MMS22L: variants seen among roughly 807,000 people sequenced by gnomAD.
The protein encoded by MMS22L is MMS22 like, DNA repair protein, also known as protein MMS22-like.
MMS22L carries 74 observed loss-of-function variants against 159.1 expected under a neutral mutation model. That is an observed-to-expected ratio of 0.47 (90% CI 0.39 to 0.56). The LOEUF is 0.56. Among genes scored for constraint, MMS22L ranks in the 20% least tolerant of loss-of-function variants. MMS22L has a pLI of 0.00. For synonymous variants in MMS22L, 517 were observed against 506.9 expected, an observed-to-expected ratio of 1.02 and a Z score of -0.27; for missense variants, 1,351 against 1,422.1, an observed-to-expected ratio of 0.95 and a Z score of 0.80.
At chr6:97,163,882 T>A (rs1802697101) in intron 21 of MMS22L, among the ~76,000 whole-genome samples, 2 of 151,944 alleles carry the variant, frequency 1.3e-5, no homozygotes, top group South Asian at 4.1e-4. Flanking sequence ...GCAATATGAA[T>A]CTTATTAGGG....
intron 14 of MMS22L, among the ~76,000 whole-genome samples, chr6:97,219,659 T>C (rs1809412489): frequency 6.6e-6 from 1 of 152,200 alleles, no homozygotes; most frequent in Non-Finnish European, 1.5e-5. Flanking sequence ...ATTGCACTGT[T>C]GGTAAATGAA....
At chr6:97,280,361 T>TCTCG (rs1816649512) in intron 3 of MMS22L, among the ~76,000 whole-genome samples, 1 of 151,852 alleles carries the variant, frequency 6.6e-6, no homozygotes, top group South Asian at 2.1e-4. Context: ...TGAGACAGAG[T>TCTCG]CTCGCTCTGT....
intron 19 of MMS22L, among the ~76,000 whole-genome samples, chr6:97,168,556 C>T (rs767692476): frequency 1.3e-5 from 2 of 151,978 alleles, no homozygotes; most frequent in African/African-American, 2.4e-5. Flanking sequence ...TTTGTGAGTG[C>T]CAACATGATG....
intron 22 of MMS22L, among the ~76,000 whole-genome samples, chr6:97,159,749 T>C (rs1802225486): frequency 6.6e-6 from 1 of 151,934 alleles, no homozygotes; most frequent in South Asian, 2.1e-4. Flanking sequence ...AAAAATTACC[T>C]TCAGGCTACA....
intron 15 of MMS22L, among the ~76,000 whole-genome samples, chr6:97,185,666 C>A (rs1805153638): frequency 6.6e-6 from 1 of 152,114 alleles, no homozygotes; most frequent in African/African-American, 2.4e-5. Context: ...AATTCAAAAT[C>A]TTTTCAAATT....
At chr6:97,164,164 A>G (rs536659224) in intron 21 of MMS22L, among the ~76,000 whole-genome samples, 2 of 152,018 alleles carry the variant, frequency 1.3e-5, no homozygotes, top group East Asian at 1.9e-4. Context: ...GAAAAGGAGG[A>G]CAGGATTGCC....
chr6:97,277,132 A>G (rs2128099514), intron 4 of MMS22L, among the ~76,000 whole-genome samples: 1 of 152,324 alleles, frequency 6.6e-6, no homozygotes, highest in East Asian at 1.9e-4. Context: ...CATAAAAAAT[A>G]GTCCAGGCAC....
At chr6:97,224,297 A>G (rs1452358294) in intron 14 of MMS22L, among the ~76,000 whole-genome samples, 2 of 152,140 alleles carry the variant, frequency 1.3e-5, no homozygotes, top group African/African-American at 2.4e-5. Flanking sequence ...ACTTCTGAAT[A>G]GTGTCCCACA....
rs535576333 is a variant in MMS22L at position 97,142,481 on chromosome 6, T to C, written c.*4325A>G. ...GCATATTATTTATATTGGCATACTA[T>C]ACTCTTGCCTGACAGGCAATATTTT... On this transcript the variant is annotated 3_prime_UTR_variant, in exon 25 of 25. Coordinates refer to ENST00000683635, the MANE Select transcript of MMS22L (RefSeq NM_001350599.2). 41 of 152,524 alleles carry C rather than the reference T, an allele frequency of 2.7e-4. No individual in the cohort carries two copies. The highest frequency in any genetic ancestry group is 5.6e-4 in the Non-Finnish European group (38 of 67,946). The allele number at this position is 152,524 out of a possible 1,614,324, so 9.4% of individuals were successfully genotyped here.
chr6:97,184,794 A>T (rs942052642), intron 15 of MMS22L, among the ~76,000 whole-genome samples: 1 of 152,074 alleles, frequency 6.6e-6, no homozygotes, highest in Non-Finnish European at 1.5e-5. Context: ...TAGTCTTCCT[A>T]TAAGTCTAGC....
At chr6:97,238,417 T>G (rs1811658993) in intron 11 of MMS22L, among the ~76,000 whole-genome samples, 1 of 152,190 alleles carries the variant, frequency 6.6e-6, no homozygotes, top group Admixed American at 6.5e-5. Context: ...ATTAAAGACA[T>G]GTAATTCCAT....
chr6:97,234,460 AC>A (rs1811188387), intron 11 of MMS22L, among the ~76,000 whole-genome samples: 1 of 152,190 alleles, frequency 6.6e-6, no homozygotes, highest in African/African-American at 2.4e-5. Flanking sequence ...TTAGGAGATA[AC>A]AGGAGGAAAA....
chr6:97,198,516 T>C (rs1468349267), intron 14 of MMS22L, among the ~76,000 whole-genome samples: 1 of 152,170 alleles, frequency 6.6e-6, no homozygotes, highest in African/African-American at 2.4e-5. Context: ...TTACATAGTA[T>C]ATTATGCTCT....
intron 8 of MMS22L, chr6:97,264,690 T>C (rs1185409472): frequency 6.6e-6 from 1 of 152,060 alleles, no homozygotes. Context: ...ATAAATGCAG[T>C]AAAGTTGCAG....
At position 97,221,774 on chromosome 6, in the gene MMS22L, T is replaced by A. The variant is rs76992482; in HGVS notation, c.2039+7120A>T. Reference sequence around the variant, plus strand: ...TTTTATTACCATGAGGGCATACACATGTGTTTCCCAAAAATTATTAGAACA... The same window carrying A: ...TTTTATTACCATGAGGGCATACACAAGTGTTTCCCAAAAATTATTAGAACA... On this transcript the variant is annotated intron_variant, in intron 14 of 24. Coordinates refer to ENST00000683635, the MANE Select transcript of MMS22L (RefSeq NM_001350599.2). Among the ~76,000 whole-genome samples, 270 of 152,126 alleles carry A rather than the reference T, an allele frequency of 1.8e-3. 3 individuals carry two copies. Among genetic ancestry groups the A allele is most frequent in the African/African-American group, 6.1e-3 (255 of 41,544 alleles).
At chr6:97,222,548 G>C (rs1482447577) in intron 14 of MMS22L, among the ~76,000 whole-genome samples, 3 of 151,908 alleles carry the variant, frequency 2.0e-5, no homozygotes, top group African/African-American at 7.2e-5. Flanking sequence ...TATCTATTTG[G>C]CTTAAATTCA....
intron 6 of MMS22L, 110 bp from the exon 7 acceptor site, chr6:97,270,102 C>T: frequency 2.5e-6 from 2 of 787,154 alleles, no homozygotes; most frequent in Non-Finnish European, 4.2e-6. Flanking sequence ...AACCAATTAA[C>T]CTACCACTAT....
chr6:97,277,830 T>C (rs1409643059), intron 4 of MMS22L, among the ~76,000 whole-genome samples: 1 of 152,214 alleles, frequency 6.6e-6, no homozygotes, highest in Admixed American at 6.5e-5. Flanking sequence ...CTTTTCCTTG[T>C]AATGTGTATT....
chr6:97,249,795 C>A (rs1365179177), intron 10 of MMS22L, among the ~76,000 whole-genome samples: 1 of 117,976 alleles, frequency 8.5e-6, no homozygotes, highest in Admixed American at 9.3e-5. Flanking sequence ...TTGTATCATT[C>A]TTTATTAAGA....
Sources: gnomAD v4.1 joint callset for allele counts (sites outside exome capture counted in the v4.1 genomes callset) on GRCh38, gnomAD v4.1.1 for gene constraint, MANE v1.5 for transcripts, NCBI Gene and HGNC (gene_info 2026-07-23, HGNC 2026-07-21) for gene names.